COL11A1: variants seen among roughly 807,000 people sequenced by gnomAD.
COL11A1 encodes the protein collagen type XI alpha 1 chain, also known as collagen alpha-1(XI) chain.
A neutral mutation model predicts 265.2 loss-of-function variants in COL11A1; 74 were observed. That is an observed-to-expected ratio of 0.28 (90% CI 0.23 to 0.34). The LOEUF is 0.34. COL11A1 is among the 10% of genes least tolerant of loss of function. The pLI is 1.00. For missense variants in COL11A1, 2,165 were observed against 2,263.6 expected (o/e 0.96, Z 0.88); for synonymous variants, 816 against 727.6 (o/e 1.12, Z -1.96).
At chr1:103,073,782 G>C (rs896561823) in intron 4 of COL11A1, among the ~76,000 whole-genome samples, 11 of 151,882 alleles carry the variant, frequency 7.2e-5, no homozygotes, top group Non-Finnish European at 1.5e-4. Context: ...CATACTGTCT[G>C]TATGTTTGTA....
intron 31 of COL11A1, among the ~76,000 whole-genome samples, chr1:102,980,190 G>A (rs1662907373): frequency 6.6e-6 from 1 of 151,544 alleles, no homozygotes; most frequent in Admixed American, 6.6e-5. Flanking sequence ...TGAAATTTGT[G>A]GGACTGAAAA....
In COL11A1 at chr1:103,082,969, G is replaced by A. The variant is rs369749483; in HGVS notation, c.110C>T (p.Ala37Val). The A allele has an allele frequency of 5.0e-6, 8 of 1,612,576 alleles. No individual in the cohort carries two copies. Among genetic ancestry groups the A allele is most frequent in the Non-Finnish European group, 6.8e-6 (8 of 1,179,258 alleles). Residue 37 changes from alanine to valine, a missense_variant, in exon 2 of 67, where the codon GCT (alanine) becomes GTT (valine). By Grantham distance (64) the Ala-to-Val change is moderately conservative. Transcript: ENST00000370096. ...LFQAREVRGA[A>V]PVDVLKALDF... ...TAGTGCTTTTAGTACATCAACTGGA[G>A]CAGCTGAAAAATAAGCAAACAATAA...
intron 1 of COL11A1, among the ~76,000 whole-genome samples, chr1:103,085,127 T>A (rs779705975): frequency 7.9e-5 from 12 of 152,226 alleles, no homozygotes; most frequent in Non-Finnish European, 1.5e-4. Flanking sequence ...CAGTTCAGAA[T>A]CAATCACAAA....
chr1:102,965,762 A>C (rs1042252780), intron 37 of COL11A1, among the ~76,000 whole-genome samples: 1 of 152,214 alleles, frequency 6.6e-6, no homozygotes, highest in Non-Finnish European at 1.5e-5. Flanking sequence ...GGCAATAATT[A>C]CCTTTAATAA....
Position 102,995,998 on chromosome 1 carries a change from C to T in COL11A1, c.2286G>A (p.Arg762=), listed in dbSNP as rs753303501. 1 of 1,613,346 alleles carries T rather than the reference C, an allele frequency of 6.2e-7. No homozygotes were observed. Among genetic ancestry groups the T allele is most frequent in the Admixed American group, 1.7e-5 (1 of 59,916 alleles). The change falls in exon 27 of 67, where the codon CGG becomes CGA. Residue 762 remains arginine, a synonymous_variant. Transcript: ENST00000370096. ...AACAATTTAACGTTACCTTTACTCCCCGGGGGCCCGGGTATCCAATAGGAC... is the reference window on the plus strand; with the variant it reads ...AACAATTTAACGTTACCTTTACTCCTCGGGGGCCCGGGTATCCAATAGGAC... ...PQGPIGYPGP[R]GVKGADGVRG...
chr1:103,056,199 T>G (rs1359015924), intron 4 of COL11A1, among the ~76,000 whole-genome samples: 1 of 152,012 alleles, frequency 6.6e-6, no homozygotes, highest in Non-Finnish European at 1.5e-5. Context: ...AGGGGAAAAA[T>G]GCAGGTTAGA....
intron 4 of COL11A1, among the ~76,000 whole-genome samples, chr1:103,055,870 G>A (rs1670206975): frequency 1.3e-5 from 2 of 152,104 alleles, no homozygotes; most frequent in African/African-American, 2.4e-5. Flanking sequence ...TTCGTATCTT[G>A]GGAAAGCCAA....
intron 37 of COL11A1, among the ~76,000 whole-genome samples, chr1:102,967,434 G>A (rs1009348539): frequency 7.3e-5 from 11 of 151,464 alleles, no homozygotes; most frequent in Admixed American, 2.6e-4. Context: ...TAGAGACGGG[G>A]TTTCACCGTG....
intron 20 of COL11A1, among the ~76,000 whole-genome samples, chr1:103,004,092 T>C (rs75887291): frequency 0.014 from 2,064 of 152,114 alleles, 18 homozygotes; most frequent in Non-Finnish European, 0.018. Flanking sequence ...TGACATATTA[T>C]TTTTTTTCTT....
intron 54 of COL11A1, among the ~76,000 whole-genome samples, chr1:102,910,421 C>A (rs1654513850): frequency 6.6e-6 from 1 of 151,930 alleles, no homozygotes. Context: ...GACTAGATAG[C>A]ACTTGCTGAG....
chr1:102,938,581 A>G (rs929535606), intron 44 of COL11A1, among the ~76,000 whole-genome samples: 1 of 152,114 alleles, frequency 6.6e-6, no homozygotes, highest in Non-Finnish European at 1.5e-5. Flanking sequence ...TCATAAAGAC[A>G]AGAGTGAACA....
chr1:103,016,594 G>C (rs1051277139), intron 11 of COL11A1, among the ~76,000 whole-genome samples: 2 of 151,776 alleles, frequency 1.3e-5, no homozygotes, highest in Admixed American at 6.6e-5. Context: ...TAAATAACTA[G>C]ATACAAAATG....
intron 13 of COL11A1, among the ~76,000 whole-genome samples, 186 bp downstream of exon 13, chr1:103,014,325 A>T (rs1666380196): frequency 6.6e-6 from 1 of 152,130 alleles, no homozygotes; most frequent in Non-Finnish European, 1.5e-5. Flanking sequence ...CCTAACTATA[A>T]TTTTCAATTA....
chr1:103,008,400 G>T, intron 15 of COL11A1, 63 bp downstream of exon 15: 1 of 1,366,736 alleles, frequency 7.3e-7, no homozygotes, highest in Non-Finnish European at 1.0e-6. Flanking sequence ...ATGCATTCTC[G>T]AAGGAATTAT....
Position 103,003,285 on chromosome 1 carries a change from A to G in COL11A1, c.1945-17T>C. Reference sequence around the variant, plus strand: ...TCGTGGGCCCTAGGAGAAAAAGAAAAAGCACGCCTTTATTAAAAAAAAAAA... The same window carrying G: ...TCGTGGGCCCTAGGAGAAAAAGAAAGAGCACGCCTTTATTAAAAAAAAAAA... On this transcript the variant is annotated splice_polypyrimidine_tract_variant and intron_variant, in intron 20 of 66. Coordinates refer to ENST00000370096, the MANE Select transcript of COL11A1 (RefSeq NM_001854.4). 4 of 1,611,246 alleles carry G rather than the reference A, an allele frequency of 2.5e-6. No individual in the cohort carries two copies. The highest frequency in any genetic ancestry group is 3.4e-6 in the Non-Finnish European group (4 of 1,178,806).
At chr1:103,005,246 TAAAG>T (rs1665490486) in intron 18 of COL11A1, among the ~76,000 whole-genome samples, 1 of 152,152 alleles carries the variant, frequency 6.6e-6, no homozygotes. Flanking sequence ...TTAATGCTGT[TAAAG>T]AAAGATGTGA....
intron 1 of COL11A1, among the ~76,000 whole-genome samples, chr1:103,083,210 C>T (rs1317021951): frequency 6.8e-6 from 1 of 147,680 alleles, no homozygotes; most frequent in Non-Finnish European, 1.5e-5. Context: ...GGTTAAGCAA[C>T]ACAGAAGGGG....
chr1:103,001,689 G>C (rs1665121121), intron 24 of COL11A1: 2 of 569,862 alleles, frequency 3.5e-6, no homozygotes, highest in Admixed American at 3.1e-5. Flanking sequence ...TAACATAGCT[G>C]AGAATGCCAC....
At chr1:103,008,716 T>C (rs770963243) in intron 14 of COL11A1, among the ~76,000 whole-genome samples, 200 bp from the exon 15 acceptor site, 2 of 152,222 alleles carry the variant, frequency 1.3e-5, no homozygotes, top group Non-Finnish European at 1.5e-5. Flanking sequence ...ACATTCCAAT[T>C]TGTGAGCAAT....
Sources: allele counts gnomAD v4.1 joint callset (sites outside exome capture counted in the v4.1 genomes callset), GRCh38; gene constraint gnomAD v4.1.1; transcripts MANE v1.5; gene names NCBI Gene and HGNC (gene_info 2026-07-23, HGNC 2026-07-21).